The following KLK8 variants were observed in gnomAD, a reference collection of about 807,000 sequenced individuals.
KLK8 encodes kallikrein-8.
In KLK8, 18 loss-of-function variants were observed where a neutral mutation model predicts 26.7. The ratio of observed to expected loss-of-function variants is 0.67; its 90% CI spans 0.47 to 1.00. The LOEUF (loss-of-function observed/expected upper bound fraction) is 1.00. Among genes scored for constraint, KLK8 ranks in the 50% least tolerant of loss-of-function variants. KLK8 has a pLI of 0.00. For synonymous variants in KLK8, 137 were observed against 127.1 expected (o/e 1.08, Z -0.52); for missense variants, 301 against 331.7 (o/e 0.91, Z 0.72).
At position 51,000,010 on chromosome 19, in the gene KLK8, ACAGTGCCC is replaced by A; in HGVS notation, c.471_478del (p.Trp157CysfsTer10). On this transcript the variant is annotated frameshift_variant, in exon 5 of 7. Coordinates refer to ENST00000600767, the Ensembl canonical transcript of KLK8. LOFTEE classifies it high-confidence loss of function. ...AAGCCCACTACCTCGGGGACTGGTGACAGTGCCCCAGCCTGAGACGGTGCACTTCTGGC... is the reference window on the plus strand; with the variant it reads ...AAGCCCACTACCTCGGGGACTGGTGACAGCCTGAGACGGTGCACTTCTGGC... The A allele has an allele frequency of 6.3e-7, 1 of 1,595,602 alleles. No homozygotes were observed. The highest frequency in any genetic ancestry group is 8.6e-7 in the Non-Finnish European group (1 of 1,164,818).
chr19:50,996,629 A>C (rs981804528), intron 6 of KLK8, among the ~76,000 whole-genome samples: 14 of 149,676 alleles, frequency 9.4e-5, no homozygotes, highest in Non-Finnish European at 1.5e-5. Flanking sequence ...GCTACTCGGG[A>C]GGCTGAGGTG....
chr19:50,997,811 C>T (rs767345496), exon 6 of KLK8: 18 of 1,614,166 alleles, frequency 1.1e-5, no homozygotes, highest in Admixed American at 1.7e-5. Flanking sequence ...TGATCTGCCC[C>T]GGGTAAGCAT....
chr19:51,000,373 C>T (rs774464929), intron 4 of KLK8, 51 bp downstream of exon 3: 1 of 1,556,966 alleles, frequency 6.4e-7, no homozygotes. Flanking sequence ...GAAACCCCAG[C>T]CCCCTCTTTC....
chr19:51,000,030 G>C (rs753563073), exon 5 of KLK8: 7 of 1,607,888 alleles, frequency 4.4e-6, no homozygotes, highest in Non-Finnish European at 6.0e-6. Flanking sequence ...AGCCTGAGAC[G>C]GTGCACTTCT....
chr19:50,999,733 T>TA (rs1568555618), intron 5 of KLK8, among the ~76,000 whole-genome samples: 1 of 149,554 alleles, frequency 6.7e-6, no homozygotes, highest in Non-Finnish European at 1.5e-5. Context: ...CAACCAAAGG[T>TA]CCCATAGGGT....
exon 6 of KLK8, chr19:50,997,810 C>G: frequency 6.2e-7 from 1 of 1,614,144 alleles, no homozygotes; most frequent in Non-Finnish European, 8.5e-7. Context: ...GTGATCTGCC[C>G]CGGGTAAGCA....
intron 3 of KLK8, 116 bp downstream of exon 2, chr19:51,000,982 C>A: frequency 9.8e-7 from 1 of 1,024,062 alleles, no homozygotes; most frequent in South Asian, 1.5e-5. Context: ...CCGTATCGCA[C>A]TCTTCACATC....
At position 50,997,661 on chromosome 19, in the gene KLK8, C is replaced by T. The variant is rs530437849; in HGVS notation, c.627+90G>A. 10 of 1,438,656 alleles carry T rather than the reference C, an allele frequency of 7.0e-6. No homozygotes were observed. In the East Asian group the frequency reaches 1.8e-4, roughly 26 times the overall value. 89.1% of individuals were successfully genotyped at this position (1,438,656 alleles called of 1,614,324 possible). On this transcript the variant is annotated intron_variant, in intron 6 of 6. Transcript: ENST00000600767. ...TCCGGGTGCCAAGTCTTTGGGGTCA[C>T]TCCCTTACCACCCCCACCCCCATCC...
chr19:51,001,337 A>AG (rs2091224751), intron 2 of KLK8, among the ~76,000 whole-genome samples, 162 bp from the exon 2 acceptor site: 1 of 151,200 alleles, frequency 6.6e-6, no homozygotes, highest in African/African-American at 2.4e-5. Context: ...ATTCCAAGGG[A>AG]GGGGGGAGTC....
rs1344651806 is a variant in KLK8, at chr19:51,000,776, C to T, written c.71-193G>A. On this transcript the variant is annotated intron_variant, in intron 3 of 6. Transcript: ENST00000600767. The stretch of plus-strand genomic sequence containing the variant: ...TGTCATCATACAAGAGTCACACACC[C>T]AAGAATGCCCCCACATGCTTCCACA... 5 of 1,481,540 alleles carry T rather than the reference C, an allele frequency of 3.4e-6. No homozygotes were observed. In the African/African-American group the frequency reaches 7.0e-5, roughly 21 times the overall value. The allele number at this position is 1,481,540 out of a possible 1,614,324, so 91.8% of individuals were successfully genotyped here. A position where few individuals can be genotyped will look rare whatever the true frequency, so the allele number is the denominator to read the frequency against.
chr19:50,997,092 C>A (rs1303985398), intron 6 of KLK8, among the ~76,000 whole-genome samples: 1 of 152,098 alleles, frequency 6.6e-6, no homozygotes, highest in African/African-American at 2.4e-5. Flanking sequence ...AGGGACCAGT[C>A]ATTGGCAAAG....
At chr19:50,997,828 ACTT>A (rs1264000308) in exon 6 of KLK8, 16 of 1,613,980 alleles carry the variant, frequency 9.9e-6, no homozygotes, top group Middle Eastern at 1.6e-4. Flanking sequence ...GCATCCTCAC[ACTT>A]CTTCTGGGGA....
chr19:51,000,452 C>T, exon 4 of KLK8: 2 of 1,612,464 alleles, frequency 1.2e-6, no homozygotes, highest in Non-Finnish European at 1.7e-6. Context: ...GCTGTAAGGA[C>T]CCAGTTGCCA....
In KLK8 at chr19:51,000,308, C is replaced by A. The variant is rs374417158; in HGVS notation, c.231-50G>T. 4.5e-6 allele frequency: 7 copies of A among 1,544,110 alleles called. No individual in the cohort carries two copies. In the East Asian group the frequency reaches 1.4e-4, roughly 30 times the overall value. Reference sequence around the variant, plus strand: ...ACCCAGGCAGGGGTATTGCCCCCAGCCCCCTCCTCCTTCAGACCCAGGAGT... The same window carrying A: ...ACCCAGGCAGGGGTATTGCCCCCAGACCCCTCCTCCTTCAGACCCAGGAGT... On this transcript the variant is annotated intron_variant, in intron 4 of 6. Coordinates refer to ENST00000600767, the Ensembl canonical transcript of KLK8.
chr19:50,998,494 C>T (rs998763402), intron 5 of KLK8, among the ~76,000 whole-genome samples: 51 of 152,260 alleles, frequency 3.3e-4, no homozygotes, highest in African/African-American at 9.9e-4. Context: ...GCAACAGCAC[C>T]TCAGGCATAC....
At chr19:50,997,155 C>T (rs1034464927) in intron 6 of KLK8, among the ~76,000 whole-genome samples, 1 of 152,214 alleles carries the variant, frequency 6.6e-6, no homozygotes, top group South Asian at 2.1e-4. Flanking sequence ...CTAGGAACAA[C>T]GAAGTTGCAG....
At chr19:51,000,448 A>C in exon 4 of KLK8, 1 of 1,612,002 alleles carries the variant, frequency 6.2e-7, no homozygotes, top group Non-Finnish European at 8.5e-7. Context: ...GGCAGCTGTA[A>C]GGACCCAGTT....
chr19:51,001,434 G>C, intron 2 of KLK8, 98 bp downstream of exon 1: 1 of 481,708 alleles, frequency 2.1e-6, no homozygotes, highest in Non-Finnish European at 3.8e-6. Context: ...CAGACTGCTG[G>C]ATCTCGACAG....
chr19:50,998,437 C>T (rs147619883), intron 5 of KLK8, among the ~76,000 whole-genome samples: 182 of 152,276 alleles, frequency 1.2e-3, no homozygotes, highest in Middle Eastern at 6.8e-3. Context: ...AACTCCATAA[C>T]GACAAGGACT....
Sources: gnomAD v4.1 joint callset for allele counts (sites outside exome capture counted in the v4.1 genomes callset) on GRCh38, gnomAD v4.1.1 for gene constraint, MANE v1.5 for transcripts, NCBI Gene and HGNC (gene_info 2026-07-23, HGNC 2026-07-21) for gene names.